SPNS2: variants seen among roughly 807,000 people sequenced by gnomAD.
SPNS2 encodes the protein sphingosine-1-phosphate transporter SPNS2.
SPNS2 carries 37 observed loss-of-function variants against 57.6 expected under a neutral mutation model. The ratio of observed to expected loss-of-function variants is 0.64; its 90% CI spans 0.49 to 0.85. SPNS2 has a LOEUF of 0.85. Among genes scored for constraint, SPNS2 ranks in the 40% least tolerant of loss-of-function variants. The probability of loss-of-function intolerance (pLI) is 0.00; values close to 1 mark genes in which losing one functional copy is unlikely to be tolerated. For missense variants in SPNS2, 831 were observed against 779.1 expected, an observed-to-expected ratio of 1.07 and a Z score of -0.79; for synonymous variants, 440 against 346.9, an observed-to-expected ratio of 1.27 and a Z score of -2.98.
Position 4,513,254 on chromosome 17 carries a change from T to A in SPNS2, c.378T>A (p.Leu126=), listed in dbSNP as rs777828756. ...YLDRYTVAGV[L]LDIQQHFGVK... ...CCTCTGTCTTCCCTCCAGGCGTCCTTCTGGACATCCAGCAGCACTTTGGGG... is the reference window on the plus strand; with the variant it reads ...CCTCTGTCTTCCCTCCAGGCGTCCTACTGGACATCCAGCAGCACTTTGGGG... The change falls in exon 2 of 13, where the codon CTT becomes CTA. Residue 126 remains leucine, a synonymous_variant. Coordinates refer to ENST00000329078, the MANE Select transcript of SPNS2 (RefSeq NM_001124758.3). 1.6e-5 allele frequency: 26 copies of A among 1,613,816 alleles called. No individual in the cohort carries two copies. The highest frequency in any genetic ancestry group is 3.3e-5 in the Admixed American group (2 of 59,980).
intron 5 of SPNS2, among the ~76,000 whole-genome samples, chr17:4,531,332 C>T (rs1055198663): frequency 5.9e-5 from 9 of 152,132 alleles, no homozygotes; most frequent in African/African-American, 1.9e-4. Flanking sequence ...GACACAGCCC[C>T]GCCGCCCTCG....
chr17:4,530,574 G>T (rs1905418398), intron 3 of SPNS2, 58 bp from the exon 4 acceptor site: 1 of 1,569,980 alleles, frequency 6.4e-7, no homozygotes, highest in South Asian at 1.2e-5. Context: ...TGGGAACAAG[G>T]GATGACAGGC....
intron 4 of SPNS2, 53 bp from the exon 5 acceptor site, chr17:4,531,000 C>T: frequency 1.3e-6 from 2 of 1,598,102 alleles, no homozygotes; most frequent in Admixed American, 3.4e-5. Context: ...GCGGGCACTC[C>T]CTGTCCCCAG....
intron 5 of SPNS2, among the ~76,000 whole-genome samples, chr17:4,531,502 T>G (rs1223060558): frequency 6.6e-6 from 1 of 152,016 alleles, no homozygotes; most frequent in African/African-American, 2.4e-5. Flanking sequence ...GACCTCTGTG[T>G]GGGGGCCCCA....
At position 4,531,074 on chromosome 17, in the gene SPNS2, C is replaced by A; in HGVS notation, c.747C>A (p.Gly249=). The change falls in exon 5 of 13, where the codon GGC becomes GGA. Residue 249 remains glycine (G), a synonymous_variant. Coordinates refer to ENST00000329078, the MANE Select transcript of SPNS2 (RefSeq NM_001124758.3). ...GCAGTGGCCTGGGCTACATTACTGG[C>A]TCCAGCGTGAAGCAGGCAGCCGGAG... ...PLGSGLGYIT[G]SSVKQAAGDW... 1.2e-6 allele frequency: 2 copies of A among 1,614,112 alleles called. No homozygotes were observed. The highest frequency in any genetic ancestry group is 8.5e-7 in the Non-Finnish European group (1 of 1,180,012).
At chr17:4,531,575 G>T (rs1905475628) in intron 5 of SPNS2, among the ~76,000 whole-genome samples, 1 of 152,152 alleles carries the variant, frequency 6.6e-6, no homozygotes, top group African/African-American at 2.4e-5. Flanking sequence ...CCAGGACAGC[G>T]CAATCGGAGG....
At chr17:4,516,338 A>C (rs4998478) in intron 2 of SPNS2, among the ~76,000 whole-genome samples, 47,674 of 123,848 alleles carry the variant, frequency 0.38, 10,829 homozygotes, top group East Asian at 0.82. Context: ...AAAAAAAAAA[A>C]AAAAACAAAA....
At chr17:4,535,435 T>C (rs1344803605) in intron 9 of SPNS2, among the ~76,000 whole-genome samples, 1 of 152,112 alleles carries the variant, frequency 6.6e-6, no homozygotes, top group East Asian at 1.9e-4. Context: ...GACAAATGGC[T>C]GTGGCGGGGG....
intron 5 of SPNS2, among the ~76,000 whole-genome samples, chr17:4,532,127 T>C (rs566008274): frequency 7.9e-5 from 12 of 151,176 alleles, no homozygotes; most frequent in South Asian, 2.1e-4. Context: ...TCCGTCCGTC[T>C]ATCTATCCGT....
At chr17:4,536,689 CCTCTTA>C in intron 11 of SPNS2, 1 of 634,936 alleles carries the variant, frequency 1.6e-6, no homozygotes, top group Non-Finnish European at 2.7e-6. Flanking sequence ...CCCTCCCCTT[CCTCTTA>C]CTTTCTGACT....
chr17:4,537,845 G>A lies in SPNS2; in HGVS notation c.*397G>A. ...CTGGACTTTCCCACACAACTTGCTG[G>A]GCAAAGCACGATCTGCAGCTTTGAA... On this transcript the variant is annotated 3_prime_UTR_variant, in exon 13 of 13. Coordinates refer to ENST00000329078, the MANE Select transcript of SPNS2 (RefSeq NM_001124758.3). The A allele has an allele frequency of 2.2e-6, 1 of 454,356 alleles. No individual in the cohort carries two copies. Among genetic ancestry groups the A allele is most frequent in the Non-Finnish European group, 4.4e-6 (1 of 225,072 alleles). 28.1% of individuals were successfully genotyped at this position (454,356 alleles called of 1,614,324 possible). A position where few individuals can be genotyped will look rare whatever the true frequency, so the allele number is the denominator to read the frequency against.
At chr17:4,524,599 G>C (rs1905218588) in intron 2 of SPNS2, among the ~76,000 whole-genome samples, 1 of 152,190 alleles carries the variant, frequency 6.6e-6, no homozygotes, top group Non-Finnish European at 1.5e-5. Flanking sequence ...CATAAGAATT[G>C]CTTGAACCCA....
Position 4,510,502 on chromosome 17 carries a change from T to C in SPNS2, c.371-2745T>C, listed in dbSNP as rs1904802031. On this transcript the variant is annotated intron_variant, in intron 1 of 12. Coordinates refer to ENST00000329078, the MANE Select transcript of SPNS2 (RefSeq NM_001124758.3). The surrounding 1 kb of genome is among the most constrained non-coding windows in gnomAD (Gnocchi z 4.4). ...GTCATCGGATGGGGAAGTGTGCCGC[T>C]GGATAGCTGGATACTGCAGGGAGGA... 6.6e-6 allele frequency among the ~76,000 whole-genome samples: 1 copy of C among 152,160 alleles called. No individual in the cohort carries two copies. The highest frequency in any genetic ancestry group is 6.5e-5 in the Admixed American group (1 of 15,278).
rs769904237 is a variant in SPNS2, at chr17:4,532,630, A to G, written c.881A>G (p.Asp294Gly). The change falls in exon 6 of 13, where the codon GAC (aspartate) becomes GGC (glycine). Residue 294 changes from aspartate to glycine, a missense_variant. By Grantham distance (94) the Asp-to-Gly change is moderately conservative. Around this residue, in one of 2 missense-constraint regions of SPNS2, gnomAD observed 526 missense variants for 400.9 expected, o/e 1.31. Coordinates refer to ENST00000329078, the MANE Select transcript of SPNS2 (RefSeq NM_001124758.3). ...AGGGGTCATGCCGACCAGCTCGGGG[A>G]CCAGCTCAAGGCCCGGACCTCATGG... ...TKRGHADQLG[D>G]QLKARTSWLR... is the part of the protein sequence containing the mutation. 6.2e-7 allele frequency: 1 copy of G among 1,613,988 alleles called. No individual in the cohort carries two copies. Among genetic ancestry groups the G allele is most frequent in the South Asian group, 1.1e-5 (1 of 91,070 alleles).
intron 2 of SPNS2, among the ~76,000 whole-genome samples, chr17:4,524,703 T>A (rs1245154581): frequency 1.3e-5 from 2 of 152,182 alleles, no homozygotes; most frequent in East Asian, 1.9e-4. Flanking sequence ...AAAATAAAAT[T>A]TTAAAAAGAT....
In SPNS2 at chr17:4,536,361, G is replaced by A. The variant is rs1905801739; in HGVS notation, c.1542G>A (p.Leu514=). 1 of 1,610,302 alleles carries A rather than the reference G, an allele frequency of 6.2e-7. No homozygotes were observed. The highest frequency in any genetic ancestry group is 8.5e-7 in the Non-Finnish European group (1 of 1,179,922). ...TGCTCTGCCCTTTCGTCGTGGTCCT[G>A]GGCGGCATGTTCTTCCTCGCCACTG... ...ALMLCPFVVV[L]GGMFFLATAL... The change falls in exon 11 of 13, where the codon CTG becomes CTA. Residue 514 remains leucine, a synonymous_variant. Transcript: ENST00000329078.
chr17:4,530,122 G>T lies in SPNS2; in HGVS notation c.574-510G>T, dbSNP rs372083737. Among the ~76,000 whole-genome samples, 17 of 152,300 alleles carry T rather than the reference G, an allele frequency of 1.1e-4. No individual in the cohort carries two copies. In the East Asian group the frequency reaches 2.5e-3, roughly 22 times the overall value. ...GCCCTTTGGTGTGTGCAGGGGGAGG[G>T]GCTCTGGGTCCCCTGGGCTTCCCTG... is the stretch of plus-strand genomic sequence containing the variant. On this transcript the variant is annotated intron_variant, in intron 3 of 12. Coordinates refer to ENST00000329078, the MANE Select transcript of SPNS2 (RefSeq NM_001124758.3).
At chr17:4,533,934 G>GGGGGT in intron 9 of SPNS2, 81 bp downstream of exon 9, 2 of 806,076 alleles carry the variant, frequency 2.5e-6, no homozygotes, top group Non-Finnish European at 4.1e-6. Context: ...GAGGGCGGGT[G>GGGGGT]AAGGGGCGGG....
intron 9 of SPNS2, among the ~76,000 whole-genome samples, chr17:4,534,764 GC>G (rs765342481): frequency 6.6e-5 from 10 of 151,872 alleles, no homozygotes; most frequent in Non-Finnish European, 1.2e-4. Context: ...TCAGCACGGA[GC>G]CAGGCGGTGG....
Sources: allele counts gnomAD v4.1 joint callset (sites outside exome capture counted in the v4.1 genomes callset), GRCh38; gene constraint gnomAD v4.1.1; regional missense constraint gnomAD v4.1.1; non-coding constraint Gnocchi (gnomAD v3.1); transcripts MANE v1.5; gene names NCBI Gene and HGNC (gene_info 2026-07-23, HGNC 2026-07-21).